Variants in SMIM20 observed in about 807,000 individuals in gnomAD.
SMIM20 encodes small integral membrane protein 20, also known as mitochondrial translation regulation assembly intermediate of cytochrome c oxidase protein of 7 kDa.
SMIM20 carries 3 observed loss-of-function variants against 8.7 expected under a neutral mutation model. The observed-to-expected ratio is 0.34, with a 90% CI of 0.16 to 0.89. The LOEUF (loss-of-function observed/expected upper bound fraction) is 0.89. Ranked by LOEUF, SMIM20 falls within the 40% of genes least tolerant of loss-of-function variation. The pLI, the probability that SMIM20 is intolerant of heterozygous loss-of-function variation, is 0.49. For synonymous variants in SMIM20, 44 were observed against 33.6 expected, an observed-to-expected ratio of 1.31 and a Z score of -1.07; for missense variants, 85 against 84.8, an observed-to-expected ratio of 1.00 and a Z score of -0.01.
At chr4:25,928,262 C>T in intron 1 of SMIM20, 51 bp from the exon 2 acceptor site, 2 of 1,522,030 alleles carry the variant, frequency 1.3e-6, no homozygotes, top group Non-Finnish European at 1.8e-6. Context: ...ACAAATATTT[C>T]TCTCTCCCCG....
At chr4:25,923,098 G>A (rs1454614837) in intron 1 of SMIM20, among the ~76,000 whole-genome samples, 4 of 152,192 alleles carry the variant, frequency 2.6e-5, no homozygotes, top group South Asian at 2.1e-4. Context: ...TGAAATGAGC[G>A]CTGGACAGAT....
intron 1 of SMIM20, among the ~76,000 whole-genome samples, chr4:25,919,216 A>T (rs1211047759): frequency 6.6e-6 from 1 of 152,086 alleles, no homozygotes; most frequent in Non-Finnish European, 1.5e-5. Flanking sequence ...TGAATATCTT[A>T]AAACCAACAT....
chr4:25,917,575 A>G (rs897690611), intron 1 of SMIM20, among the ~76,000 whole-genome samples: 7 of 152,168 alleles, frequency 4.6e-5, no homozygotes, highest in African/African-American at 1.7e-4. Flanking sequence ...ACATTCAACT[A>G]GCATTTATTT....
intron 1 of SMIM20, among the ~76,000 whole-genome samples, chr4:25,925,653 A>G (rs1484467527): frequency 1.3e-5 from 2 of 152,130 alleles, no homozygotes; most frequent in Non-Finnish European, 2.9e-5. Context: ...CTGGTCCTCC[A>G]CTAGAGCACC....
At chr4:25,917,010 A>G (rs1456396074) in intron 1 of SMIM20, among the ~76,000 whole-genome samples, 2 of 152,178 alleles carry the variant, frequency 1.3e-5, no homozygotes, top group Admixed American at 6.6e-5. Context: ...TTTAGTGTTG[A>G]TAACAGCCCT....
chr4:25,919,770 A>G (rs1719165943), intron 1 of SMIM20, among the ~76,000 whole-genome samples: 1 of 152,128 alleles, frequency 6.6e-6, no homozygotes, highest in South Asian at 2.1e-4. Flanking sequence ...TAAAGTTTAG[A>G]GTTAGTCAGT....
chr4:25,917,862 G>A (rs1719117964), intron 1 of SMIM20, among the ~76,000 whole-genome samples: 1 of 151,798 alleles, frequency 6.6e-6, no homozygotes, highest in African/African-American at 2.4e-5. Flanking sequence ...TTTATGGTCA[G>A]AGAATGTGGA....
chr4:25,929,100 A>C, intron 2 of SMIM20, 54 bp from the exon 3 acceptor site: 1 of 1,544,644 alleles, frequency 6.5e-7, no homozygotes, highest in Non-Finnish European at 8.8e-7. Context: ...GGTGGAGGAA[A>C]GTGGAAGGAC....
chr4:25,914,863 CAG>C (rs1360453232), intron 1 of SMIM20, among the ~76,000 whole-genome samples: 1 of 152,174 alleles, frequency 6.6e-6, no homozygotes, highest in African/African-American at 2.4e-5. Context: ...CTGAGAGGCT[CAG>C]AGGTTTTATA....
At chr4:25,927,020 T>G (rs1250804421) in intron 1 of SMIM20, among the ~76,000 whole-genome samples, 1 of 152,072 alleles carries the variant, frequency 6.6e-6, no homozygotes, top group Non-Finnish European at 1.5e-5. Flanking sequence ...ACCTTTTGTG[T>G]TATTTCAGAA....
At chr4:25,919,546 C>T (rs560077792) in intron 1 of SMIM20, among the ~76,000 whole-genome samples, 4 of 152,070 alleles carry the variant, frequency 2.6e-5, no homozygotes, top group African/African-American at 9.6e-5. Flanking sequence ...TGGGCTTTCA[C>T]CATGTTGCCC....
In SMIM20 at chr4:25,929,447, A is replaced by G. The variant is rs1711591050; in HGVS notation, c.*256A>G. 5 of 443,692 alleles carry G rather than the reference A, an allele frequency of 1.1e-5. No homozygotes were observed. The South Asian group carries it at 2.1e-4, about 18-fold the overall frequency. The allele number at this position is 443,692 out of a possible 1,614,324, so 27.5% of individuals were successfully genotyped here. A position where few individuals can be genotyped will look rare whatever the true frequency, so the allele number is the denominator to read the frequency against. On this transcript the variant is annotated 3_prime_UTR_variant, in exon 3 of 3. Transcript: ENST00000506197. ...CAGTTGATTTTCCAAAAATGAAGCT[A>G]TCTCACCCAGCTGGGTTTGGAGGAG...
In SMIM20 at chr4:25,928,376, T is replaced by C. The variant is rs1445545720; in HGVS notation, c.166+7T>C. 1 of 1,544,156 alleles carries C rather than the reference T, an allele frequency of 6.5e-7. No individual in the cohort carries two copies. The highest frequency in any genetic ancestry group is 8.7e-7 in the Non-Finnish European group (1 of 1,144,458). ...GAGGATGTGCAGCCACCAGGTAAAC[T>C]GAAAAAAAAAAATCAAAACCAAATC... On this transcript the variant is annotated splice_region_variant and intron_variant, in intron 2 of 2. Transcript: ENST00000506197.
intron 1 of SMIM20, among the ~76,000 whole-genome samples, chr4:25,920,240 C>T (rs758550237): frequency 2.0e-5 from 3 of 152,140 alleles, no homozygotes; most frequent in Non-Finnish European, 4.4e-5. Flanking sequence ...CATATTTTGG[C>T]CCGCGATAGA....
intron 1 of SMIM20, among the ~76,000 whole-genome samples, chr4:25,919,148 C>T (rs1577360610): frequency 6.6e-6 from 1 of 151,790 alleles, no homozygotes; most frequent in East Asian, 1.9e-4. Context: ...TCATGATCCA[C>T]CCGCCTCGGC....
chr4:25,922,437 G>A (rs190302131), intron 1 of SMIM20, among the ~76,000 whole-genome samples: 62 of 152,282 alleles, frequency 4.1e-4, no homozygotes, highest in African/African-American at 1.3e-3. Context: ...AGGTGATGGC[G>A]TCTATTCTCT....
chr4:25,922,402 A>G (rs773299487), intron 1 of SMIM20, among the ~76,000 whole-genome samples: 3 of 152,068 alleles, frequency 2.0e-5, no homozygotes, highest in Non-Finnish European at 4.4e-5. Context: ...TCTAGGTTTG[A>G]TGTTGGCAAG....
At chr4:25,925,756 C>T (rs2109365795) in intron 1 of SMIM20, among the ~76,000 whole-genome samples, 1 of 152,332 alleles carries the variant, frequency 6.6e-6, no homozygotes, top group East Asian at 1.9e-4. Context: ...ACAAGTCACA[C>T]AGTCGATGTA....
chr4:25,920,785 G>A (rs1240901880), intron 1 of SMIM20, among the ~76,000 whole-genome samples: 4 of 152,138 alleles, frequency 2.6e-5, no homozygotes, highest in Non-Finnish European at 5.9e-5. Flanking sequence ...TGTTTTTACT[G>A]TACCTTTTCA....
Sources: gnomAD v4.1 joint callset for allele counts (sites outside exome capture counted in the v4.1 genomes callset) on GRCh38, gnomAD v4.1.1 for gene constraint, MANE v1.5 for transcripts, NCBI Gene and HGNC (gene_info 2026-07-23, HGNC 2026-07-21) for gene names.